The following MAP3K14 variants were observed in gnomAD, a reference collection of about 807,000 sequenced individuals.
The protein encoded by MAP3K14 is NF-kappa-beta-inducing kinase.
MAP3K14 carries 16 observed loss-of-function variants against 99.2 expected under a neutral mutation model. The observed-to-expected ratio is 0.16, with a 90% CI of 0.11 to 0.24. The LOEUF is 0.24. MAP3K14 is among the 10% of genes least tolerant of loss of function. The pLI is 1.00. For synonymous variants in MAP3K14, 462 were observed against 492.4 expected, an observed-to-expected ratio of 0.94 and a Z score of 0.82; for missense variants, 784 against 1,208.7, an observed-to-expected ratio of 0.65 and a Z score of 5.21.
At chr17:45,294,278 T>A (rs1220146072) in intron 1 of MAP3K14, among the ~76,000 whole-genome samples, 1 of 152,214 alleles carries the variant, frequency 6.6e-6, no homozygotes, top group Admixed American at 6.5e-5. Flanking sequence ...ATTCACTCCA[T>A]ATTCTTTGAG....
At chr17:45,312,768 CAG>C (rs1233058713) in intron 1 of MAP3K14, among the ~76,000 whole-genome samples, 1 of 152,134 alleles carries the variant, frequency 6.6e-6, no homozygotes, top group Non-Finnish European at 1.5e-5. Context: ...GGCCCCCAGA[CAG>C]AGTCTCAGAG....
At chr17:45,266,990 A>T (rs549480764) in intron 13 of MAP3K14, 102 bp downstream of exon 13, 1 of 891,546 alleles carries the variant, frequency 1.1e-6, no homozygotes, top group Non-Finnish European at 1.8e-6. Flanking sequence ...CACTACTTGC[A>T]CAGTGTCCAT....
chr17:45,286,648 G>A lies in MAP3K14; in HGVS notation c.935C>T (p.Pro312Leu). 1 of 1,610,568 alleles carries A rather than the reference G, an allele frequency of 6.2e-7. No individual in the cohort carries two copies. The highest frequency in any genetic ancestry group is 1.1e-5 in the South Asian group (1 of 90,264). Reference protein sequence around the residue: ...SKLACVDSPKPLPGPHLEPSC... With the variant: ...SKLACVDSPKLLPGPHLEPSC... ...GGGCTCCAGGTGTGGGCCAGGCAGG[G>A]GCTTTGGACTGTCTACACAGGCCAG... The change falls in exon 5 of 16, where the codon CCC becomes CTC. Residue 312 changes from proline to leucine, a missense_variant. Physicochemically the swap from Pro to Leu is moderately conservative, Grantham distance 98. Around this residue, in one of 5 missense-constraint regions of MAP3K14, gnomAD observed 138 missense variants for 164.1 expected, o/e 0.84. Coordinates refer to ENST00000344686, the MANE Select transcript of MAP3K14 (RefSeq NM_003954.5). This position sits in a 1 kb window ranked among gnomAD's most constrained non-coding sequence, Gnocchi z 4.1.
chr17:45,280,764 C>A (rs1176106960), intron 6 of MAP3K14, among the ~76,000 whole-genome samples: 1 of 151,848 alleles, frequency 6.6e-6, no homozygotes, highest in African/African-American at 2.4e-5. Context: ...CATGCGCTAC[C>A]ACACCCAGCT....
At chr17:45,306,874 C>G (rs75412448) in intron 1 of MAP3K14, among the ~76,000 whole-genome samples, 5,268 of 152,196 alleles carry the variant, frequency 0.035, 241 homozygotes, top group African/African-American at 0.1. Flanking sequence ...GAGAACATGT[C>G]GGGCAAGGTA....
chr17:45,270,633 T>G, intron 10 of MAP3K14, 70 bp from the exon 11 acceptor site: 1 of 1,467,474 alleles, frequency 6.8e-7, no homozygotes. Flanking sequence ...TTATTGCTCT[T>G]TGCGCAACTC....
At chr17:45,303,928 T>C (rs1414365121) in intron 1 of MAP3K14, among the ~76,000 whole-genome samples, 1 of 151,988 alleles carries the variant, frequency 6.6e-6, no homozygotes, top group Non-Finnish European at 1.5e-5. Context: ...ACACATGTAA[T>C]GTCATACAAA....
intron 1 of MAP3K14, among the ~76,000 whole-genome samples, chr17:45,305,742 C>G (rs2044425904): frequency 6.6e-6 from 1 of 152,154 alleles, no homozygotes. Flanking sequence ...GCACTGAAGC[C>G]TACCTCCCAC....
intron 1 of MAP3K14, among the ~76,000 whole-genome samples, chr17:45,293,173 G>A (rs994835387): frequency 3.3e-5 from 5 of 152,228 alleles, no homozygotes; most frequent in East Asian, 1.9e-4. Flanking sequence ...GGATGATCCC[G>A]AATGCTGAGG....
Position 45,265,259 on chromosome 17 carries a change from C to T in MAP3K14, c.2583G>A (p.Val861=), listed in dbSNP as rs753577374. The T allele has an allele frequency of 6.2e-7, 1 of 1,610,626 alleles. No individual in the cohort carries two copies. The highest frequency in any genetic ancestry group is 2.2e-5 in the East Asian group (1 of 44,846). The change falls in exon 15 of 16, where the codon GTG becomes GTA. Residue 861 remains valine, a synonymous_variant. Transcript: ENST00000344686. ...PTDTPSYFNG[V]KVQIQSLNGE... ...CATTAAGAGACTGTATTTGGACTTT[C>T]ACACCTAGAAGGCGGACAAGGTGAT...
At chr17:45,287,885 G>A (rs1023173154) in intron 3 of MAP3K14, among the ~76,000 whole-genome samples, 3 of 152,194 alleles carry the variant, frequency 2.0e-5, no homozygotes, top group Admixed American at 6.5e-5. Flanking sequence ...ACAGTTCCTG[G>A]GGGTCCCTGG....
chr17:45,267,392 A>G lies in MAP3K14; in HGVS notation c.2326+14T>C. On this transcript the variant is annotated intron_variant, in intron 12 of 15. Coordinates refer to ENST00000344686, the MANE Select transcript of MAP3K14 (RefSeq NM_003954.5). The surrounding 1 kb of genome is among the most constrained non-coding windows in gnomAD (Gnocchi z 5.1). ...CAGTGCTCAGGGCCCCACTGCAGCC[A>G]CGGCTGCCCGTACCTATTTCCAGCT... The G allele has an allele frequency of 1.3e-6, 2 of 1,568,358 alleles. No homozygotes were observed. The highest frequency in any genetic ancestry group is 2.3e-5 in the East Asian group (1 of 42,728).
chr17:45,293,345 G>A (rs1376314140), intron 1 of MAP3K14, among the ~76,000 whole-genome samples: 1 of 152,176 alleles, frequency 6.6e-6, no homozygotes, highest in Non-Finnish European at 1.5e-5. Flanking sequence ...AGGTCATCCT[G>A]AGCTAGAACT....
At chr17:45,314,630 A>C (rs964087360) in intron 1 of MAP3K14, among the ~76,000 whole-genome samples, 2 of 152,186 alleles carry the variant, frequency 1.3e-5, no homozygotes, top group Non-Finnish European at 2.9e-5. Context: ...AAAAAAAAAA[A>C]AACAACCTTG....
In MAP3K14 at chr17:45,264,752, G is replaced by A. The variant is rs767382383; in HGVS notation, c.2728C>T (p.Arg910Cys). ...GAGTCTGGCACCTCCATGTCGTAGC[G>A]AACAGGCTGCCCGTCTTTGGTGACC... ...SLVTKDGQPV[R>C]YDMEVPDSGI... Residue 910 changes from arginine to cysteine, a missense_variant, in exon 16 of 16, where the codon CGC (arginine) becomes TGC (cysteine). Transcript: ENST00000344686. The A allele has an allele frequency of 1.2e-5, 19 of 1,613,276 alleles. 1 individual carries two copies. Among genetic ancestry groups the A allele is most frequent in the South Asian group, 1.1e-4 (10 of 90,930 alleles).
At chr17:45,287,456 A>G (rs1403329708) in intron 3 of MAP3K14, 92 bp from the exon 4 acceptor site, 2 of 1,089,596 alleles carry the variant, frequency 1.8e-6, no homozygotes, top group Non-Finnish European at 2.7e-6. Flanking sequence ...CTGCAGATCC[A>G]AGGTCAAATC....
At chr17:45,310,581 G>A (rs1357115881) in intron 1 of MAP3K14, among the ~76,000 whole-genome samples, 2 of 152,184 alleles carry the variant, frequency 1.3e-5, no homozygotes, top group African/African-American at 4.8e-5. Context: ...CCACAAGGAA[G>A]AGCCTCTCAC....
intron 13 of MAP3K14, 137 bp from the exon 14 acceptor site, chr17:45,266,818 G>T: frequency 1.1e-6 from 1 of 926,118 alleles, no homozygotes; most frequent in Non-Finnish European, 1.6e-6. Context: ...CATGGGGGAC[G>T]AAGGCCTGCC....
chr17:45,302,360 T>G (rs2143855465), intron 1 of MAP3K14, among the ~76,000 whole-genome samples: 1 of 152,296 alleles, frequency 6.6e-6, no homozygotes, highest in Non-Finnish European at 1.5e-5. Flanking sequence ...CAGGCTGGAG[T>G]GCAACGGTGC....
Sources: gnomAD v4.1 joint callset for allele counts (sites outside exome capture counted in the v4.1 genomes callset) on GRCh38, gnomAD v4.1.1 for gene constraint, gnomAD v4.1.1 regional missense constraint, Gnocchi (gnomAD v3.1) non-coding constraint, MANE v1.5 for transcripts, NCBI Gene and HGNC (gene_info 2026-07-23, HGNC 2026-07-21) for gene names.